The following TRAP1 variants were observed in gnomAD, a reference collection of about 807,000 sequenced individuals.
The protein encoded by TRAP1 is TNF receptor associated protein 1.
A neutral mutation model predicts 89.1 loss-of-function variants in TRAP1; 102 were observed. That is an observed-to-expected ratio of 1.15 (90% CI 0.98 to 1.35). The LOEUF is 1.35. Ranked by LOEUF, TRAP1 falls within the 40% of genes most tolerant of loss-of-function variation. The probability of loss-of-function intolerance (pLI) is 0.00; values close to 1 mark genes in which losing one functional copy is unlikely to be tolerated. For synonymous variants in TRAP1, 508 were observed against 388.0 expected (o/e 1.31, Z -3.64); for missense variants, 1,256 against 945.3 (o/e 1.33, Z -4.31).
chr16:3,676,067 G>A lies in TRAP1; in HGVS notation c.783C>T (p.Cys261=). ...TKIIIHLKSD[C]KEFSSEARVR... ...CCCGGGCCTCGCTGGAAAACTCCTT[G>A]CAGTCGGATTTCAGGTGGATGATGA... The change falls in exon 7 of 18, where the codon TGC becomes TGT. Residue 261 remains cysteine (C), a synonymous_variant. Coordinates refer to ENST00000246957, the MANE Select transcript of TRAP1 (RefSeq NM_016292.3). The A allele has an allele frequency of 6.2e-7, 1 of 1,613,986 alleles. No homozygotes were observed.
chr16:3,672,319 G>C (rs1409734920), intron 10 of TRAP1, among the ~76,000 whole-genome samples: 2 of 152,032 alleles, frequency 1.3e-5, no homozygotes, highest in Admixed American at 1.3e-4. Flanking sequence ...AGCAAGACTC[G>C]TCTCAAAAAA....
chr16:3,663,529 T>C lies in TRAP1; in HGVS notation c.1603A>G (p.Thr535Ala), dbSNP rs1567222720. ...TCAAACTCACGAAGGTGCAGCAGGG[T>C]GAGCTCATCAAACTGCTCAAAGCAG... ...LFCFEQFDEL[T>A]LLHLREFDKK... is the part of the protein sequence containing the mutation. Residue 535 changes from threonine (T) to alanine (A), a missense_variant, in exon 14 of 18, where the codon ACC becomes GCC. By Grantham distance (58) the Thr-to-Ala change is moderately conservative. Coordinates refer to ENST00000246957, the MANE Select transcript of TRAP1 (RefSeq NM_016292.3). 3 of 1,613,926 alleles carry C rather than the reference T, an allele frequency of 1.9e-6. No homozygotes were observed. The highest frequency in any genetic ancestry group is 2.5e-6 in the Non-Finnish European group (3 of 1,179,978).
chr16:3,702,392 C>A (rs1359661956), intron 1 of TRAP1, among the ~76,000 whole-genome samples: 1 of 151,828 alleles, frequency 6.6e-6, no homozygotes, highest in Non-Finnish European at 1.5e-5. Flanking sequence ...TGCTGCTTCA[C>A]AGACCTGGGA....
At chr16:3,703,231 G>C (rs1019592245) in intron 1 of TRAP1, among the ~76,000 whole-genome samples, 2 of 151,086 alleles carry the variant, frequency 1.3e-5, no homozygotes, top group African/African-American at 4.9e-5. Context: ...TTTTTGGCAA[G>C]ATCTTTTAAG....
chr16:3,658,333 G>A, intron 17 of TRAP1, 103 bp from the exon 18 acceptor site: 1 of 940,936 alleles, frequency 1.1e-6, no homozygotes, highest in South Asian at 1.5e-5. Flanking sequence ...GGAGTGCAGA[G>A]GCACGATCTC....
rs755993391 is a variant in TRAP1, at chr16:3,689,050, C to T, written c.330+5G>A. 4.3e-6 allele frequency: 7 copies of T among 1,609,408 alleles called. No homozygotes were observed. Among genetic ancestry groups the T allele is most frequent in the East Asian group, 4.5e-5 (2 of 44,754 alleles). On this transcript the variant is annotated splice_donor_5th_base_variant and intron_variant, in intron 3 of 17. Coordinates refer to ENST00000246957, the MANE Select transcript of TRAP1 (RefSeq NM_016292.3). ...AGCATCGGGCATGGTTAGCAGGGAA[C>T]GCACCTCTTTTTCTGAGTACAGGGA...
At chr16:3,700,801 AAAT>A (rs1763554450) in intron 1 of TRAP1, among the ~76,000 whole-genome samples, 3 of 152,214 alleles carry the variant, frequency 2.0e-5, no homozygotes, top group Admixed American at 2.0e-4. Flanking sequence ...GTAACCACTA[AAAT>A]AATAATTCAA....
rs955538385 is a variant in TRAP1 at position 3,674,441 on chromosome 16, G to C, written c.942C>G (p.Phe314Leu). Residue 314 changes from phenylalanine (F) to leucine (L), a missense_variant, in exon 9 of 18, where the codon TTC (phenylalanine) becomes TTG (leucine). Phe to Leu is a conservative substitution (Grantham distance 22). Coordinates refer to ENST00000246957, the MANE Select transcript of TRAP1 (RefSeq NM_016292.3). ...CGTGAGCCTGCGCGACGTAGCGGTA[G>C]AACTCCTCATGTTGCCACTCACGGA... Reference protein sequence around the residue: ...KDVREWQHEEFYRYVAQAHDK... With the variant: ...KDVREWQHEELYRYVAQAHDK... 1.9e-6 allele frequency: 3 copies of C among 1,614,106 alleles called. No individual in the cohort carries two copies. The highest frequency in any genetic ancestry group is 2.7e-5 in the African/African-American group (2 of 75,066).
chr16:3,665,970 C>A lies in TRAP1; in HGVS notation c.1383+1G>T. ...AAAGGCCTGGAACACAGCTCCTATA[C>A]CTTGACCTCCTGCTCGGTGGCGGTC... On this transcript the variant is annotated splice_donor_variant, in intron 12 of 17. Coordinates refer to ENST00000246957, the MANE Select transcript of TRAP1 (RefSeq NM_016292.3). LOFTEE classifies it high-confidence loss of function. 1 of 1,612,914 alleles carries A rather than the reference C, an allele frequency of 6.2e-7. No individual in the cohort carries two copies. The highest frequency in any genetic ancestry group is 1.7e-5 in the Admixed American group (1 of 59,776).
intron 1 of TRAP1, among the ~76,000 whole-genome samples, chr16:3,693,289 A>C (rs1428352041): frequency 6.6e-6 from 1 of 152,132 alleles, no homozygotes; most frequent in Non-Finnish European, 1.5e-5. Flanking sequence ...TACCTTAAAA[A>C]CATCTACCAC....
At chr16:3,701,640 G>A (rs1474867268) in intron 1 of TRAP1, among the ~76,000 whole-genome samples, 7 of 151,860 alleles carry the variant, frequency 4.6e-5, no homozygotes, top group African/African-American at 1.5e-4. Context: ...TACAGAAAGC[G>A]AAGGAGCACC....
At chr16:3,675,954 C>G in intron 7 of TRAP1, 82 bp downstream of exon 7, 1 of 1,250,330 alleles carries the variant, frequency 8.0e-7, no homozygotes, top group Non-Finnish European at 1.1e-6. Flanking sequence ...GCAGGTAGAA[C>G]CAGGGAAAAT....
At chr16:3,667,663 A>T (rs977158047) in intron 11 of TRAP1, among the ~76,000 whole-genome samples, 54 of 151,488 alleles carry the variant, frequency 3.6e-4, no homozygotes, top group Middle Eastern at 3.4e-3. Flanking sequence ...AAATAAAAAA[A>T]TTTTATTAAT....
intron 1 of TRAP1, among the ~76,000 whole-genome samples, chr16:3,698,827 A>G (rs1338970565): frequency 6.6e-6 from 1 of 152,046 alleles, no homozygotes; most frequent in African/African-American, 2.4e-5. Context: ...CAGAGGTTGC[A>G]GTGAGCCAAG....
intron 12 of TRAP1, chr16:3,665,019 G>C (rs565296875): frequency 6.5e-6 from 1 of 154,062 alleles, no homozygotes; most frequent in African/African-American, 2.4e-5. Flanking sequence ...AAAACAGAAA[G>C]AGGGAAAAGC....
Position 3,705,613 on chromosome 16 carries a change from T to C in TRAP1, c.88+11808A>G, listed in dbSNP as rs564644637. 5.3e-4 allele frequency among the ~76,000 whole-genome samples: 81 copies of C among 152,320 alleles called. 2 individuals are homozygous for C. The highest frequency in any genetic ancestry group is 6.8e-3 in the Middle Eastern group (2 of 294). ...CATGTATCAGCACCTCATTCCTTTT[T>C]ATAACTGAAGAGCACTCCGCTGTAT... On this transcript the variant is annotated intron_variant, in intron 1 of 17. Coordinates refer to ENST00000246957, the MANE Select transcript of TRAP1 (RefSeq NM_016292.3).
rs961150530 is a variant in TRAP1, at chr16:3,716,750, G to A, written c.88+671C>T. Among the ~76,000 whole-genome samples the A allele has an allele frequency of 1.1e-4, 17 of 152,210 alleles. 1 individual carries two copies. Among genetic ancestry groups the A allele is most frequent in the African/African-American group, 4.1e-4 (17 of 41,446 alleles). On this transcript the variant is annotated intron_variant, in intron 1 of 17. Coordinates refer to ENST00000246957, the MANE Select transcript of TRAP1 (RefSeq NM_016292.3). The stretch of plus-strand genomic sequence containing the variant: ...CCGAGTGGGGACTGGGAAAGCAGAG[G>A]TTAGGGTCGTTCTCTCTGTTTTACA...
intron 1 of TRAP1, among the ~76,000 whole-genome samples, chr16:3,717,095 C>T (rs2051607546): frequency 6.6e-6 from 1 of 152,260 alleles, no homozygotes; most frequent in Admixed American, 6.5e-5. Flanking sequence ...AGCGGCTCCA[C>T]CTGCACGTGC....
At chr16:3,690,144 C>T (rs924295915) in intron 2 of TRAP1, among the ~76,000 whole-genome samples, 2 of 152,060 alleles carry the variant, frequency 1.3e-5, no homozygotes, top group Admixed American at 1.3e-4. Context: ...GTACCTGGAA[C>T]CACTGGTGTG....
Sources: gnomAD v4.1 joint callset for allele counts (sites outside exome capture counted in the v4.1 genomes callset) on GRCh38, gnomAD v4.1.1 for gene constraint, MANE v1.5 for transcripts, NCBI Gene and HGNC (gene_info 2026-07-23, HGNC 2026-07-21) for gene names.